The following PINX1 variants were observed in gnomAD, a reference collection of about 807,000 sequenced individuals.
PINX1 encodes PIN2 (TERF1) interacting telomerase inhibitor 1.
PINX1 carries 34 observed loss-of-function variants against 25.4 expected under a neutral mutation model. The observed-to-expected ratio is 1.34, with a 90% CI of 1.02 to 1.78. PINX1 has a LOEUF of 1.78. Among genes scored for constraint, PINX1 ranks in the 40% most tolerant of loss-of-function variants. The probability of loss-of-function intolerance (pLI) is 0.00; values close to 1 mark genes in which losing one functional copy is unlikely to be tolerated. For missense variants in PINX1, 592 were observed against 404.9 expected (o/e 1.46, Z -3.97); for synonymous variants, 197 against 147.7 (o/e 1.33, Z -2.42).
At chr8:10,808,301 G>C (rs879709756) in intron 6 of PINX1, among the ~76,000 whole-genome samples, 2 of 152,178 alleles carry the variant, frequency 1.3e-5, no homozygotes, top group African/African-American at 2.4e-5. Flanking sequence ...AAAATATGAA[G>C]GTAAATACCA....
At chr8:10,774,647 T>A (rs903312752) in intron 6 of PINX1, among the ~76,000 whole-genome samples, 1 of 152,240 alleles carries the variant, frequency 6.6e-6, no homozygotes, top group Admixed American at 6.5e-5. Flanking sequence ...CATAGTTACA[T>A]GGAATAATTA....
chr8:10,807,931 G>T (rs188094028), intron 6 of PINX1, among the ~76,000 whole-genome samples: 35 of 152,312 alleles, frequency 2.3e-4, no homozygotes, highest in Admixed American at 1.1e-3. Flanking sequence ...CTGGGAGACA[G>T]ATCCAGCTGA....
At chr8:10,792,247 C>A (rs1471336412) in intron 6 of PINX1, among the ~76,000 whole-genome samples, 1 of 152,060 alleles carries the variant, frequency 6.6e-6, no homozygotes, top group African/African-American at 2.4e-5. Flanking sequence ...CCTCTTTCCA[C>A]TTCACGTCCG....
chr8:10,814,988 G>A lies in PINX1; in HGVS notation c.471+5205C>T, dbSNP rs373509289. On this transcript the variant is annotated intron_variant, in intron 6 of 6. Coordinates refer to ENST00000314787, the MANE Select transcript of PINX1 (RefSeq NM_017884.6). ...AGGGTCTCACTCTGTGACCCAGGCT[G>A]GAGTGCGATGGCGTGATGATAGCTC... 2.0e-5 allele frequency among the ~76,000 whole-genome samples: 3 copies of A among 152,306 alleles called. No homozygotes were observed. The East Asian group carries it at 5.8e-4, about 29-fold the overall frequency.
intron 1 of PINX1, among the ~76,000 whole-genome samples, chr8:10,835,360 C>T (rs1384290279): frequency 6.6e-6 from 1 of 152,156 alleles, no homozygotes; most frequent in Admixed American, 6.5e-5. Flanking sequence ...TGCCGAACAT[C>T]CCCAAGCAAA....
intron 6 of PINX1, among the ~76,000 whole-genome samples, chr8:10,775,391 T>A (rs1163650071): frequency 6.7e-6 from 1 of 149,054 alleles, no homozygotes; most frequent in Non-Finnish European, 1.5e-5. Flanking sequence ...GGTAAAGGAT[T>A]AGTTCTGTCT....
chr8:10,803,973 G>C (rs1333112810), intron 6 of PINX1, among the ~76,000 whole-genome samples: 1 of 151,896 alleles, frequency 6.6e-6, no homozygotes, highest in Non-Finnish European at 1.5e-5. Context: ...TATTAAAGAA[G>C]TTCAAATTAG....
intron 6 of PINX1, among the ~76,000 whole-genome samples, chr8:10,782,343 T>TAA (rs1801611385): frequency 6.6e-6 from 1 of 152,110 alleles, no homozygotes; most frequent in Admixed American, 6.5e-5. Flanking sequence ...CACCTGCTCT[T>TAA]GCCATGAAGG....
intron 4 of PINX1, among the ~76,000 whole-genome samples, chr8:10,827,255 G>A (rs1798081163): frequency 2.0e-5 from 3 of 152,162 alleles, no homozygotes; most frequent in Non-Finnish European, 2.9e-5. Flanking sequence ...CAGAGATGAC[G>A]ATTAGGTGAC....
At chr8:10,794,855 G>A (rs771095693) in intron 6 of PINX1, among the ~76,000 whole-genome samples, 74 of 152,118 alleles carry the variant, frequency 4.9e-4, no homozygotes, top group Non-Finnish European at 5.0e-4. Flanking sequence ...AATATAACAA[G>A]TGCTCTGAAT....
At chr8:10,820,929 C>T (rs1025761880) in intron 5 of PINX1, among the ~76,000 whole-genome samples, 1 of 152,164 alleles carries the variant, frequency 6.6e-6, no homozygotes, top group African/African-American at 2.4e-5. Context: ...AATTAAATGG[C>T]TCTATGGTTC....
At chr8:10,811,573 G>T (rs1481192482) in intron 6 of PINX1, among the ~76,000 whole-genome samples, 4 of 152,150 alleles carry the variant, frequency 2.6e-5, no homozygotes, top group African/African-American at 9.7e-5. Context: ...GGAAGGGCTG[G>T]GCTGGGCAGT....
intron 6 of PINX1, among the ~76,000 whole-genome samples, chr8:10,772,571 A>G (rs1405826605): frequency 3.3e-5 from 5 of 152,234 alleles, no homozygotes; most frequent in Non-Finnish European, 5.9e-5. Context: ...CATCGCTCAC[A>G]TCTGGAATTA....
chr8:10,817,678 T>C (rs7814757), intron 6 of PINX1, among the ~76,000 whole-genome samples: 97,770 of 152,102 alleles, frequency 0.64, 32,838 homozygotes, highest in African/African-American at 0.83. Context: ...TCAGCAGCAG[T>C]ATCACCTGGG....
chr8:10,792,037 G>A (rs1461944997), intron 6 of PINX1, among the ~76,000 whole-genome samples: 1 of 152,192 alleles, frequency 6.6e-6, no homozygotes, highest in Non-Finnish European at 1.5e-5. Flanking sequence ...CTCCCGCTCA[G>A]GACCAGCAAG....
chr8:10,766,025 GCTCACACCCGGCA>G, intron 6 of PINX1, 109 bp from the exon 7 acceptor site: 1 of 1,018,622 alleles, frequency 9.8e-7, no homozygotes, highest in Non-Finnish European at 1.5e-6. Context: ...CACACCCGGC[GCTCACACCCGGCA>G]CCCACACCCG....
intron 6 of PINX1, among the ~76,000 whole-genome samples, chr8:10,814,320 G>A (rs539135298): frequency 6.6e-6 from 1 of 152,330 alleles, no homozygotes; most frequent in South Asian, 2.1e-4. Flanking sequence ...CACCATTGAA[G>A]CAAGTACTTC....
At chr8:10,814,824 C>T (rs1586186376) in intron 6 of PINX1, among the ~76,000 whole-genome samples, 1 of 152,226 alleles carries the variant, frequency 6.6e-6, no homozygotes, top group East Asian at 1.9e-4. Context: ...GCACTGGAGC[C>T]AGTCACATGC....
chr8:10,830,496 G>A (rs1798195693), intron 4 of PINX1, among the ~76,000 whole-genome samples: 1 of 152,158 alleles, frequency 6.6e-6, no homozygotes, highest in Non-Finnish European at 1.5e-5. Flanking sequence ...ATAAATGTTT[G>A]CTGAACTCAA....
Sources: allele counts gnomAD v4.1 joint callset (sites outside exome capture counted in the v4.1 genomes callset), GRCh38; gene constraint gnomAD v4.1.1; transcripts MANE v1.5; gene names NCBI Gene and HGNC (gene_info 2026-07-23, HGNC 2026-07-21).